LHFPL3: variants seen among roughly 807,000 people sequenced by gnomAD.
LHFPL3 encodes LHFPL tetraspan subfamily member 3.
In LHFPL3, 5 loss-of-function variants were observed where a neutral mutation model predicts 19.3. The ratio of observed to expected loss-of-function variants is 0.26; its 90% CI spans 0.14 to 0.54. The LOEUF (loss-of-function observed/expected upper bound fraction) is 0.54, where lower values mean the gene tolerates loss of function less well. Ranked by LOEUF, LHFPL3 falls within the 20% of genes least tolerant of loss-of-function variation. The probability of loss-of-function intolerance (pLI) is 0.94; values close to 1 mark genes in which losing one functional copy is unlikely to be tolerated. For missense variants in LHFPL3, 249 were observed against 307.4 expected, an observed-to-expected ratio of 0.81 and a Z score of 1.42; for synonymous variants, 133 against 126.2, an observed-to-expected ratio of 1.05 and a Z score of -0.36.
chr7:104,764,452 T>C (rs973807033), intron 2 of LHFPL3, among the ~76,000 whole-genome samples: 1 of 152,194 alleles, frequency 6.6e-6, no homozygotes, highest in East Asian at 1.9e-4. Context: ...ATTATAGGCA[T>C]GAGCCACCGC....
intron 1 of LHFPL3, among the ~76,000 whole-genome samples, chr7:104,335,253 G>A (rs576560766): frequency 6.6e-6 from 1 of 152,314 alleles, no homozygotes; most frequent in South Asian, 2.1e-4. Flanking sequence ...CAGTGCCAAG[G>A]AGTGACCCTA....
chr7:104,740,636 C>T (rs1793916418), intron 2 of LHFPL3, among the ~76,000 whole-genome samples: 1 of 152,220 alleles, frequency 6.6e-6, no homozygotes, highest in South Asian at 2.1e-4. Flanking sequence ...ATCTACAGGG[C>T]AGCAGGCAAG....
chr7:104,772,792 A>G (rs1267023282), intron 2 of LHFPL3, among the ~76,000 whole-genome samples: 1 of 152,256 alleles, frequency 6.6e-6, no homozygotes, highest in African/African-American at 2.4e-5. Flanking sequence ...GGCAAACTGC[A>G]TGCTCAATGG....
intron 2 of LHFPL3, among the ~76,000 whole-genome samples, chr7:104,789,371 G>A (rs568002250): frequency 6.6e-6 from 1 of 152,250 alleles, no homozygotes; most frequent in South Asian, 2.1e-4. Flanking sequence ...GAGTTAGAAC[G>A]ACTCTTAACT....
chr7:104,837,424 T>C (rs1268609882), intron 2 of LHFPL3, among the ~76,000 whole-genome samples: 1 of 152,210 alleles, frequency 6.6e-6, no homozygotes, highest in African/African-American at 2.4e-5. Flanking sequence ...TCTTCCGCAC[T>C]AAACTATATA....
intron 2 of LHFPL3, among the ~76,000 whole-genome samples, chr7:104,865,450 C>G (rs189256974): frequency 6.6e-6 from 1 of 151,980 alleles, no homozygotes; most frequent in Non-Finnish European, 1.5e-5. Context: ...GTAGCCGATT[C>G]GATCAACTGG....
chr7:104,890,679 T>A (rs549587130), intron 2 of LHFPL3, among the ~76,000 whole-genome samples: 1 of 152,212 alleles, frequency 6.6e-6, no homozygotes, highest in Non-Finnish European at 1.5e-5. Context: ...CCAGAGGCCA[T>A]GGGAGAAATG....
chr7:104,330,771 A>G (rs1015836212), intron 1 of LHFPL3, among the ~76,000 whole-genome samples: 1 of 152,108 alleles, frequency 6.6e-6, no homozygotes, highest in East Asian at 1.9e-4. Flanking sequence ...GTTTTTATAT[A>G]TAAAGTTAAC....
chr7:104,809,734 A>G (rs1018921479), intron 2 of LHFPL3, among the ~76,000 whole-genome samples: 1 of 152,270 alleles, frequency 6.6e-6, no homozygotes, highest in African/African-American at 2.4e-5. Context: ...TTACCCATAC[A>G]GCACAGAGGA....
chr7:104,342,775 C>A (rs1275820933), intron 1 of LHFPL3, among the ~76,000 whole-genome samples: 2 of 152,182 alleles, frequency 1.3e-5, no homozygotes, highest in Non-Finnish European at 2.9e-5. Context: ...GCTATGGCCC[C>A]AGTACCCACT....
chr7:104,430,355 T>C (rs2116554363), intron 1 of LHFPL3, among the ~76,000 whole-genome samples: 1 of 127,518 alleles, frequency 7.8e-6, no homozygotes, highest in African/African-American at 2.8e-5. Context: ...TCACTTGAAA[T>C]TTGCATTTCT....
intron 1 of LHFPL3, among the ~76,000 whole-genome samples, chr7:104,519,447 A>G (rs1793999970): frequency 6.6e-6 from 1 of 152,166 alleles, no homozygotes; most frequent in African/African-American, 2.4e-5. Context: ...AACTTAAATG[A>G]TGACATTCCT....
At chr7:104,433,614 C>T (rs1478728136) in intron 1 of LHFPL3, among the ~76,000 whole-genome samples, 3 of 152,158 alleles carry the variant, frequency 2.0e-5, no homozygotes, top group Non-Finnish European at 4.4e-5. Context: ...TGCAAGCCTC[C>T]GTGTTTGCCT....
At chr7:104,686,426 A>G (rs1353442034) in intron 1 of LHFPL3, among the ~76,000 whole-genome samples, 1 of 152,222 alleles carries the variant, frequency 6.6e-6, no homozygotes, top group Non-Finnish European at 1.5e-5. Context: ...GGCAGATGTG[A>G]AGGGCTTTGT....
At chr7:104,637,795 A>G (rs953959549) in intron 1 of LHFPL3, among the ~76,000 whole-genome samples, 1 of 129,380 alleles carries the variant, frequency 7.7e-6, no homozygotes, top group Non-Finnish European at 1.6e-5. Flanking sequence ...CCTTTAGTAT[A>G]GTTTGAAGTC....
At chr7:104,585,271 C>T (rs1400855233) in intron 1 of LHFPL3, among the ~76,000 whole-genome samples, 2 of 152,008 alleles carry the variant, frequency 1.3e-5, no homozygotes, top group African/African-American at 2.4e-5. Context: ...AAGGACTCTA[C>T]CCAAGAAAAC....
chr7:104,727,831 G>A (rs1206087302), intron 1 of LHFPL3, among the ~76,000 whole-genome samples: 1 of 152,128 alleles, frequency 6.6e-6, no homozygotes, highest in Non-Finnish European at 1.5e-5. Context: ...TTGAATACCT[G>A]ACTAAGGTAC....
At chr7:104,848,137 G>C (rs1791346451) in intron 2 of LHFPL3, among the ~76,000 whole-genome samples, 1 of 152,176 alleles carries the variant, frequency 6.6e-6, no homozygotes, top group Non-Finnish European at 1.5e-5. Flanking sequence ...AATTTTGGCA[G>C]AGAAGGGAAT....
At chr7:104,742,783 C>A (rs1793959288) in intron 2 of LHFPL3, among the ~76,000 whole-genome samples, 1 of 152,094 alleles carries the variant, frequency 6.6e-6, no homozygotes, top group South Asian at 2.1e-4. Context: ...AATGCTCCTG[C>A]CTTCATATCA....
Sources: allele counts gnomAD v4.1 joint callset (sites outside exome capture counted in the v4.1 genomes callset), GRCh38; gene constraint gnomAD v4.1.1; transcripts MANE v1.5; gene names NCBI Gene and HGNC (gene_info 2026-07-23, HGNC 2026-07-21).